The following SQOR variants were observed in gnomAD, a reference collection of about 807,000 sequenced individuals.
SQOR encodes sulfide:quinone oxidoreductase, mitochondrial.
A neutral mutation model predicts 48.6 loss-of-function variants in SQOR; 39 were observed. That is an observed-to-expected ratio of 0.80 (90% CI 0.62 to 1.05). SQOR has a LOEUF of 1.05. Ranked by LOEUF, SQOR falls within the 50% of genes least tolerant of loss-of-function variation. SQOR has a pLI of 0.00. For synonymous variants in SQOR, 220 were observed against 206.2 expected, an observed-to-expected ratio of 1.07 and a Z score of -0.57; for missense variants, 561 against 559.9, an observed-to-expected ratio of 1.00 and a Z score of -0.02.
chr15:45,673,974 C>T (rs1305199156), intron 5 of SQOR, 173 bp downstream of exon 5: 5 of 667,400 alleles, frequency 7.5e-6, no homozygotes, highest in South Asian at 2.1e-5. Flanking sequence ...GAGAAAATCA[C>T]TCATGATCCA....
At chr15:45,667,929 C>CTTTA (rs1889866129) in intron 3 of SQOR, among the ~76,000 whole-genome samples, 1 of 104,564 alleles carries the variant, frequency 9.6e-6, no homozygotes, top group Non-Finnish European at 2.1e-5. Context: ...TTCTTTATTT[C>CTTTA]TTTCTTTCTT....
intron 4 of SQOR, among the ~76,000 whole-genome samples, 178 bp downstream of exon 4, chr15:45,670,159 C>T (rs1431209521): frequency 2.6e-5 from 4 of 152,272 alleles, no homozygotes; most frequent in South Asian, 4.1e-4. Flanking sequence ...AAGATTCTGT[C>T]GATAATAACC....
rs1264665866 is a variant in SQOR, at chr15:45,658,149, A to G, written c.-17-758A>G. The stretch of plus-strand genomic sequence containing the variant: ...TTGTTTACTGAATTGGATGTAATAA[A>G]AGACTAGTCAGCAGCATATACAGAT... On this transcript the variant is annotated intron_variant, in intron 1 of 9. Transcript: ENST00000260324. Among the ~76,000 whole-genome samples the G allele has an allele frequency of 2.6e-5, 4 of 152,204 alleles. No individual in the cohort carries two copies. The East Asian group carries it at 7.7e-4, about 29-fold the overall frequency.
At position 45,662,010 on chromosome 15, in the gene SQOR, C is replaced by T. The variant is rs778928942; in HGVS notation, c.290C>T (p.Ser97Phe). The change falls in exon 3 of 10, where the codon TCC becomes TTC. Residue 97 changes from serine (S) to phenylalanine (F), a missense_variant. Coordinates refer to ENST00000260324, the MANE Select transcript of SQOR (RefSeq NM_021199.4). ...GTGGGTGCTGGTGCCAAACAATTGTCCTCATCTGGTCGTCCCACGGCAAGT... is the reference window on the plus strand; with the variant it reads ...GTGGGTGCTGGTGCCAAACAATTGTTCTCATCTGGTCGTCCCACGGCAAGT... ...TLVGAGAKQL[S>F]SSGRPTASVI... 8.7e-6 allele frequency: 14 copies of T among 1,614,084 alleles called. No individual in the cohort carries two copies. In the Admixed American group the frequency reaches 1.8e-4, roughly 21 times the overall value.
At chr15:45,682,318 C>T (rs1373604547) in intron 6 of SQOR, among the ~76,000 whole-genome samples, 160 bp from the exon 7 acceptor site, 2 of 152,192 alleles carry the variant, frequency 1.3e-5, no homozygotes, top group Non-Finnish European at 2.9e-5. Flanking sequence ...CAGGAGAACA[C>T]ATAAGATCTT....
chr15:45,682,782 C>T (rs1483691322), intron 7 of SQOR, 121 bp downstream of exon 7: 2 of 1,144,740 alleles, frequency 1.7e-6, no homozygotes, highest in Non-Finnish European at 2.5e-6. Context: ...AATCCCAGCA[C>T]TTTGGGAGAC....
chr15:45,684,200 A>G (rs1890180334), intron 7 of SQOR, among the ~76,000 whole-genome samples: 1 of 152,184 alleles, frequency 6.6e-6, no homozygotes, highest in Non-Finnish European at 1.5e-5. Context: ...GGCGTGAGCC[A>G]CCACGCCCAG....
chr15:45,687,417 G>A (rs1310522469), intron 7 of SQOR, among the ~76,000 whole-genome samples: 1 of 152,218 alleles, frequency 6.6e-6, no homozygotes, highest in Non-Finnish European at 1.5e-5. Flanking sequence ...CATCTGGGCA[G>A]TCTTAATTAT....
chr15:45,653,338 TC>T (rs1889531884), intron 1 of SQOR, among the ~76,000 whole-genome samples: 1 of 152,148 alleles, frequency 6.6e-6, no homozygotes, highest in Admixed American at 6.5e-5. Context: ...TGATCCATCC[TC>T]CTCAGGTTCT....
chr15:45,671,438 G>A (rs1268079546), intron 4 of SQOR, among the ~76,000 whole-genome samples: 2 of 152,126 alleles, frequency 1.3e-5, no homozygotes, highest in Non-Finnish European at 2.9e-5. Context: ...GATTACAGGC[G>A]TGAACCACTG....
chr15:45,676,287 C>T lies in SQOR; in HGVS notation c.841C>T (p.Pro281Ser). 1 of 1,613,960 alleles carries T rather than the reference C, an allele frequency of 6.2e-7. No individual in the cohort carries two copies. The part of the protein sequence containing the change: ...QEAVFENLDK[P>S]GETQVISYEM... Reference sequence around the variant, plus strand: ...GGCTGTATTTGAGAACCTGGACAAACCAGGAGAGACCCAAGTGATTTCAGT... The same window carrying T: ...GGCTGTATTTGAGAACCTGGACAAATCAGGAGAGACCCAAGTGATTTCAGT... The change falls in exon 6 of 10, where the codon CCA becomes TCA. Residue 281 changes from proline (P) to serine (S), a missense_variant. By Grantham distance (74) the Pro-to-Ser change is moderately conservative (BLOSUM62 -1). Transcript: ENST00000260324.
At chr15:45,677,167 T>C (rs148161466) in intron 6 of SQOR, among the ~76,000 whole-genome samples, 376 of 152,180 alleles carry the variant, frequency 2.5e-3, no homozygotes, top group African/African-American at 8.7e-3. Context: ...TTTAGCTTTA[T>C]CATTTGATTT....
Position 45,668,591 on chromosome 15 carries a change from C to T in SQOR, c.406-1337C>T, listed in dbSNP as rs150116889. ...TGTGGAGGTGGCTTTGGGGCTGAAG[C>T]TCCCGGATGCCAGGGCAGGGCCTCT... On this transcript the variant is annotated intron_variant, in intron 3 of 9. Transcript: ENST00000260324. Among the ~76,000 whole-genome samples, 1,500 of 152,284 alleles carry T rather than the reference C, an allele frequency of 9.9e-3. 31 individuals are homozygous for T. The highest frequency in any genetic ancestry group is 0.034 in the African/African-American group (1,414 of 41,566).
At chr15:45,674,453 A>G (rs571616394) in intron 5 of SQOR, among the ~76,000 whole-genome samples, 219 of 152,322 alleles carry the variant, frequency 1.4e-3, no homozygotes, top group African/African-American at 5.1e-3. Context: ...AAAAAAAAAA[A>G]AAGTCTACTG....
intron 7 of SQOR, among the ~76,000 whole-genome samples, chr15:45,682,951 C>T (rs1010003390): frequency 1.3e-5 from 2 of 149,476 alleles, no homozygotes; most frequent in Middle Eastern, 3.2e-3. Flanking sequence ...TGCTTGAACA[C>T]GGGAGGTGGA....
rs144745754 is a variant in SQOR, at chr15:45,682,631, C to T, written c.1018C>T (p.Leu340Phe). 10 of 1,614,118 alleles carry T rather than the reference C, an allele frequency of 6.2e-6. No individual in the cohort carries two copies. The highest frequency in any genetic ancestry group is 1.1e-5 in the South Asian group (1 of 91,082). Residue 340 changes from leucine (L) to phenylalanine (F), a missense_variant, in exon 7 of 10, where the codon CTT becomes TTT. Coordinates refer to ENST00000260324, the MANE Select transcript of SQOR (RefSeq NM_021199.4). Reference protein sequence around the residue: ...NVFGIGDCTNLPTSKTAAAVA... With the variant: ...NVFGIGDCTNFPTSKTAAAVA... ...GTTTGGGATTGGGGACTGCACCAAC[C>T]TTCCTACGTCAAAGACCGCTGCTGC...
Position 45,658,995 on chromosome 15 carries a change from T to G in SQOR, c.72T>G (p.Thr24=). 1 of 1,602,318 alleles carries G rather than the reference T, an allele frequency of 6.2e-7. No homozygotes were observed. Among genetic ancestry groups the G allele is most frequent in the South Asian group, 1.1e-5 (1 of 89,266 alleles). ...QLFACLLRLG[T]QQVGPLQLHT... Reference sequence around the variant, plus strand: ...TTGCCTGCCTGCTCAGGCTGGGCACTCAGCAGGTCGGCCCCCTTCAGCTGC... The same window carrying G: ...TTGCCTGCCTGCTCAGGCTGGGCACGCAGCAGGTCGGCCCCCTTCAGCTGC... The change falls in exon 2 of 10, where the codon ACT becomes ACG. Residue 24 remains threonine (T), a synonymous_variant. Coordinates refer to ENST00000260324, the MANE Select transcript of SQOR (RefSeq NM_021199.4).
At chr15:45,671,181 A>G (rs1889935023) in intron 4 of SQOR, among the ~76,000 whole-genome samples, 1 of 152,126 alleles carries the variant, frequency 6.6e-6, no homozygotes, top group Non-Finnish European at 1.5e-5. Flanking sequence ...TTCTTTTGAG[A>G]TGGAGTCTTG....
chr15:45,670,682 G>A (rs1385764932), intron 4 of SQOR, among the ~76,000 whole-genome samples: 1 of 152,208 alleles, frequency 6.6e-6, no homozygotes, highest in Non-Finnish European at 1.5e-5. Flanking sequence ...AATGTGACCT[G>A]GGCAAGGGCC....
Sources: gnomAD v4.1 joint callset for allele counts (sites outside exome capture counted in the v4.1 genomes callset) on GRCh38, gnomAD v4.1.1 for gene constraint, MANE v1.5 for transcripts, NCBI Gene and HGNC (gene_info 2026-07-23, HGNC 2026-07-21) for gene names.